The following NOS2 variants were observed in gnomAD, a reference collection of about 807,000 sequenced individuals.
The protein encoded by NOS2 is nitric oxide synthase 2, also known as nitric oxide synthase, inducible.
NOS2 carries 96 observed loss-of-function variants against 136.0 expected under a neutral mutation model. That is an observed-to-expected ratio of 0.71 (90% CI 0.60 to 0.84). NOS2 has a LOEUF of 0.84. NOS2 is among the 40% of genes least tolerant of loss of function. The pLI is 0.00. For synonymous variants in NOS2, 539 were observed against 587.5 expected (o/e 0.92, Z 1.20); for missense variants, 1,237 against 1,496.9 (o/e 0.83, Z 2.87).
intron 23 of NOS2, 144 bp downstream of exon 23, chr17:27,761,000 G>A (rs1443412392): frequency 1.2e-6 from 1 of 863,120 alleles, no homozygotes; most frequent in African/African-American, 1.7e-5. Context: ...CCCTGCTACA[G>A]GCAGCCACAC....
At chr17:27,785,076 A>G (rs1908978921) in intron 5 of NOS2, among the ~76,000 whole-genome samples, 1 of 151,996 alleles carries the variant, frequency 6.6e-6, no homozygotes, top group Admixed American at 6.5e-5. Flanking sequence ...ACAGCTAGGT[A>G]CTAGAGCATT....
chr17:27,765,801 T>A, intron 19 of NOS2, 85 bp from the exon 20 acceptor site: 1 of 1,364,748 alleles, frequency 7.3e-7, no homozygotes, highest in East Asian at 2.5e-5. Flanking sequence ...CCCCAGGAAA[T>A]GTGCCCTCCT....
Position 27,769,543 on chromosome 17 carries a change from G to T in NOS2, c.1851C>A (p.Asn617Lys). 1.9e-6 allele frequency: 3 copies of T among 1,613,448 alleles called. No homozygotes were observed. Among genetic ancestry groups the T allele is most frequent in the Non-Finnish European group, 2.5e-6 (3 of 1,179,468 alleles). ...KSLFMLKELN[N>K]KFRYAVFGLG... ...AACGGAAAAAGCTTTACCTGAATTT[G>T]TTGTTGAGCTCTTTCAGCATGAAGA... Residue 617 changes from asparagine to lysine, a missense_variant, in exon 16 of 27, where the codon AAC becomes AAA. Around this residue, in one of 3 missense-constraint regions of NOS2, gnomAD observed 782 missense variants for 909.9 expected, o/e 0.86. Transcript: ENST00000313735.
chr17:27,765,366 T>C (rs1228072524), intron 20 of NOS2, among the ~76,000 whole-genome samples, 169 bp downstream of exon 20: 4 of 152,240 alleles, frequency 2.6e-5, no homozygotes, highest in Non-Finnish European at 1.5e-5. Context: ...GGCCATGCCT[T>C]ATGGGCTGGG....
rs759959244 is a variant in NOS2 at position 27,780,841 on chromosome 17, C to T, written c.930G>A (p.Gln310=). 1 of 1,614,214 alleles carries T rather than the reference C, an allele frequency of 6.2e-7. No homozygotes were observed. Among genetic ancestry groups the T allele is most frequent in the Non-Finnish European group, 8.5e-7 (1 of 1,180,038 alleles). ...AGAGCTCAGGGTCACGGCCATTGGC[C>T]TGCAGGACCAGGGGGACCACATCGA... ...GRFDVVPLVL[Q]ANGRDPELFE... Residue 310 remains glutamine, a synonymous_variant, in exon 9 of 27, where the codon CAG becomes CAA. Transcript: ENST00000313735.
chr17:27,781,516 C>T (rs1487696385), intron 7 of NOS2, among the ~76,000 whole-genome samples: 2 of 152,282 alleles, frequency 1.3e-5, no homozygotes, highest in African/African-American at 2.4e-5. Flanking sequence ...GGGTCCTAGT[C>T]ACTCTTCCTC....
chr17:27,793,622 G>A (rs1034318153), intron 2 of NOS2: 98 of 397,580 alleles, frequency 2.5e-4, no homozygotes, highest in Non-Finnish European at 3.6e-4. Flanking sequence ...GGCTTCGGCC[G>A]GAGGATCCTG....
chr17:27,794,746 A>C (rs28998816), intron 2 of NOS2, among the ~76,000 whole-genome samples: 206 of 149,182 alleles, frequency 1.4e-3, no homozygotes, highest in African/African-American at 4.4e-3. Context: ...ACACACACAC[A>C]CCATGCTCAT....
chr17:27,765,671 G>A lies in NOS2; in HGVS notation c.2292C>T (p.Gly764=). ...GGTGCTCCCCCGGCAGGTAGTTCAG[G>A]CCTTGGCCATCCTCACAGGAGAGTT... ...LVELSCEDGQ[G]LNYLPGEHLG... The change falls in exon 20 of 27, where the codon GGC becomes GGT. Residue 764 remains glycine, a synonymous_variant. Transcript: ENST00000313735. 1.2e-6 allele frequency: 2 copies of A among 1,613,330 alleles called. No individual in the cohort carries two copies. The highest frequency in any genetic ancestry group is 8.5e-7 in the Non-Finnish European group (1 of 1,179,920).
intron 13 of NOS2, 110 bp from the exon 14 acceptor site, chr17:27,772,562 G>A: frequency 2.3e-6 from 3 of 1,297,598 alleles, no homozygotes; most frequent in South Asian, 1.4e-5. Flanking sequence ...GGCAGGTTGA[G>A]GGAAAAGCAA....
In NOS2 at chr17:27,788,941, G is replaced by A. The variant is rs1567642222; in HGVS notation, c.196-10C>T. ...GAGATTCTGGAGACTTCTGCAAGGG[G>A]AAAAAACAGGGTTTTCTCTCAGGTC... On this transcript the variant is annotated splice_polypyrimidine_tract_variant and intron_variant, in intron 3 of 26. Coordinates refer to ENST00000313735, the MANE Select transcript of NOS2 (RefSeq NM_000625.4). 1.9e-6 allele frequency: 3 copies of A among 1,610,942 alleles called. No individual in the cohort carries two copies. The highest frequency in any genetic ancestry group is 1.7e-6 in the Non-Finnish European group (2 of 1,178,608).
At chr17:27,761,060 C>A in intron 23 of NOS2, 84 bp downstream of exon 23, 1 of 1,302,262 alleles carries the variant, frequency 7.7e-7, no homozygotes, top group South Asian at 1.5e-5. Context: ...CCGAGCGTCT[C>A]CTAAACCCCA....
Position 27,781,196 on chromosome 17 carries a change from G to A in NOS2, c.723-19C>T. The A allele has an allele frequency of 6.3e-7, 1 of 1,598,274 alleles. No homozygotes were observed. Among genetic ancestry groups the A allele is most frequent in the South Asian group, 1.1e-5 (1 of 90,424 alleles). On this transcript the variant is annotated intron_variant, in intron 7 of 26. Coordinates refer to ENST00000313735, the MANE Select transcript of NOS2 (RefSeq NM_000625.4). ...GGCCGACCTTCCCAGGACAGGAACA[G>A]TACTGTTTACCACCTAGCCCTGGTG...
In NOS2 at chr17:27,765,690, G is replaced by A. The variant is rs749457124; in HGVS notation, c.2273C>T (p.Ser758Phe). 7 of 1,611,016 alleles carry A rather than the reference G, an allele frequency of 4.3e-6. No homozygotes were observed. In the East Asian group the frequency reaches 8.9e-5, roughly 21 times the overall value. The stretch of plus-strand genomic sequence containing the variant: ...GTTCAGGCCTTGGCCATCCTCACAG[G>A]AGAGTTCCACCAGGATGGTGGCACG... ...SSRATILVELSCEDGQGLNYL... is the reference protein window; with the variant it reads ...SSRATILVELFCEDGQGLNYL... The change falls in exon 20 of 27, where the codon TCC becomes TTC. Residue 758 changes from serine to phenylalanine, a missense_variant. Coordinates refer to ENST00000313735, the MANE Select transcript of NOS2 (RefSeq NM_000625.4).
intron 5 of NOS2, among the ~76,000 whole-genome samples, chr17:27,784,894 G>A (rs562680927): frequency 1.6e-4 from 25 of 152,322 alleles, no homozygotes; most frequent in African/African-American, 6.0e-4. Flanking sequence ...TTCAAGGTAT[G>A]TACTTGTGAC....
chr17:27,760,260 A>G (rs41513847), intron 24 of NOS2, 82 bp from the exon 25 acceptor site: 723 of 1,372,190 alleles, frequency 5.3e-4, no homozygotes, highest in Non-Finnish European at 6.5e-4. Flanking sequence ...TTCTCACTTC[A>G]CTCCCACTAG....
intron 2 of NOS2, among the ~76,000 whole-genome samples, chr17:27,791,024 G>A (rs1027208397): frequency 2.0e-5 from 3 of 152,136 alleles, no homozygotes; most frequent in African/African-American, 7.2e-5. Flanking sequence ...CTATGATGTT[G>A]AAATGCGATA....
Position 27,782,054 on chromosome 17 carries a change from C to A in NOS2, c.683G>T (p.Cys228Phe), listed in dbSNP as rs747477023. The A allele has an allele frequency of 4.3e-6, 7 of 1,614,036 alleles. No individual in the cohort carries two copies. In the African/African-American group the frequency reaches 9.3e-5, roughly 22 times the overall value. ...STAREMFEHI[C>F]RHVRYSTNNG... Reference sequence around the variant, plus strand: ...GTTGGTGGAGTAACGCACGTGTCTGCAGATGTGTTCAAACATTTCCCGGGC... The same window carrying A: ...GTTGGTGGAGTAACGCACGTGTCTGAAGATGTGTTCAAACATTTCCCGGGC... The change falls in exon 7 of 27, where the codon TGC becomes TTC. Residue 228 changes from cysteine to phenylalanine, a missense_variant. This residue lies in a region of NOS2 where 440 missense variants were observed against 545.4 expected (regional missense o/e 0.81). Coordinates refer to ENST00000313735, the MANE Select transcript of NOS2 (RefSeq NM_000625.4).
chr17:27,774,161 C>T (rs1306411697), intron 12 of NOS2, 96 bp downstream of exon 12: 6 of 891,142 alleles, frequency 6.7e-6, no homozygotes, highest in Non-Finnish European at 9.3e-6. Context: ...TGCTTCCCGT[C>T]GTGCCCTACA....
Sources: gnomAD v4.1 joint callset for allele counts (sites outside exome capture counted in the v4.1 genomes callset) on GRCh38, gnomAD v4.1.1 for gene constraint, gnomAD v4.1.1 regional missense constraint, MANE v1.5 for transcripts, NCBI Gene and HGNC (gene_info 2026-07-23, HGNC 2026-07-21) for gene names.